The following MYRIP variants were observed in gnomAD, a reference collection of about 807,000 sequenced individuals.
MYRIP encodes the protein rab effector MyRIP.
MYRIP carries 49 observed loss-of-function variants against 98.0 expected under a neutral mutation model. The ratio of observed to expected loss-of-function variants is 0.50; its 90% confidence interval spans 0.40 to 0.63. The LOEUF (loss-of-function observed/expected upper bound fraction) is 0.63, where lower values mean the gene tolerates loss of function less well. Among genes scored for constraint, MYRIP ranks in the 30% least tolerant of loss-of-function variants. The probability of loss-of-function intolerance (pLI) is 0.00; values close to 1 mark genes in which losing one functional copy is unlikely to be tolerated. For missense variants in MYRIP, 1,004 were observed against 1,058.2 expected (o/e 0.95, Z 0.71); for synonymous variants, 404 against 409.5 (o/e 0.99, Z 0.16).
intron 9 of MYRIP, 68 bp from the exon 10 acceptor site, chr3:40,189,758 T>C (rs35037526): frequency 1.8e-5 from 26 of 1,483,584 alleles, no homozygotes; most frequent in Non-Finnish European, 2.1e-5. Context: ...AGGTAACAAG[T>C]GGCAACTTCA....
At chr3:40,113,747 T>C (rs1356223580) in intron 3 of MYRIP, among the ~76,000 whole-genome samples, 1 of 152,220 alleles carries the variant, frequency 6.6e-6, no homozygotes. Flanking sequence ...CAGACAGCAG[T>C]GGTGCTATCT....
At chr3:40,203,323 T>C (rs959647197) in intron 10 of MYRIP, among the ~76,000 whole-genome samples, 10 of 152,260 alleles carry the variant, frequency 6.6e-5, no homozygotes, top group Admixed American at 1.3e-4. Flanking sequence ...TGAGAAAATA[T>C]GCATTAAACT....
intron 2 of MYRIP, among the ~76,000 whole-genome samples, chr3:39,981,677 C>T (rs1945900372): frequency 6.6e-6 from 1 of 152,138 alleles, no homozygotes; most frequent in Non-Finnish European, 1.5e-5. Flanking sequence ...GTCAGCCTGG[C>T]TGCTGGATTG....
chr3:40,180,719 G>A (rs917991149), intron 8 of MYRIP, among the ~76,000 whole-genome samples: 1 of 152,218 alleles, frequency 6.6e-6, no homozygotes, highest in Non-Finnish European at 1.5e-5. Context: ...GGAGCAGGTT[G>A]TAACACTTGG....
At chr3:40,077,944 G>A (rs540082868) in intron 3 of MYRIP, among the ~76,000 whole-genome samples, 8 of 152,260 alleles carry the variant, frequency 5.3e-5, no homozygotes, top group Non-Finnish European at 1.0e-4. Flanking sequence ...TCAGCCCTTC[G>A]GTGGTTGATG....
chr3:39,899,448 C>A (rs919690128), intron 1 of MYRIP, among the ~76,000 whole-genome samples: 2 of 151,838 alleles, frequency 1.3e-5, no homozygotes, highest in Non-Finnish European at 2.9e-5. Flanking sequence ...TTGAATGTGA[C>A]TATTGTTACT....
intron 2 of MYRIP, among the ~76,000 whole-genome samples, chr3:40,032,625 C>T (rs1264944763): frequency 1.3e-5 from 2 of 152,038 alleles, no homozygotes; most frequent in Admixed American, 6.6e-5. Flanking sequence ...GATTCACAGC[C>T]GAATTCTACC....
Position 39,892,554 on chromosome 3 carries a change from ACT to A in MYRIP, c.-30-8230_-30-8229del, listed in dbSNP as rs559791977. ...AGTTATGTAAATTAAATTTAGCCTA[ACT>A]CTTGCCTAGTGAGCAAACAGACTGT... On this transcript the variant is annotated intron_variant, in intron 1 of 16. Coordinates refer to ENST00000302541, the MANE Select transcript of MYRIP (RefSeq NM_015460.4). Among the ~76,000 whole-genome samples the A allele has an allele frequency of 3.0e-4, 45 of 152,226 alleles. No individual in the cohort carries two copies. In the South Asian group the frequency reaches 8.7e-3, roughly 29 times the overall value.
chr3:40,115,542 C>T (rs1300300075), intron 3 of MYRIP, among the ~76,000 whole-genome samples: 1 of 152,168 alleles, frequency 6.6e-6, no homozygotes, highest in Non-Finnish European at 1.5e-5. Context: ...GTTATCTCCA[C>T]CTGCTCCCAC....
intron 2 of MYRIP, among the ~76,000 whole-genome samples, chr3:40,020,818 A>G (rs1325959323): frequency 6.6e-6 from 1 of 152,154 alleles, no homozygotes; most frequent in African/African-American, 2.4e-5. Context: ...TACCTCTCCA[A>G]CACCATTGTA....
At chr3:39,908,987 G>T (rs1324465835) in intron 2 of MYRIP, among the ~76,000 whole-genome samples, 1 of 152,200 alleles carries the variant, frequency 6.6e-6, no homozygotes, top group East Asian at 1.9e-4. Flanking sequence ...TGAATCTGCT[G>T]TCTCAGTGGG....
At chr3:40,227,126 G>A (rs1952512422) in intron 11 of MYRIP, among the ~76,000 whole-genome samples, 2 of 152,228 alleles carry the variant, frequency 1.3e-5, no homozygotes, top group Admixed American at 1.3e-4. Context: ...CTGAGGGTAG[G>A]GACCATGGAT....
intron 1 of MYRIP, among the ~76,000 whole-genome samples, chr3:39,885,798 A>G (rs565477548): frequency 3.1e-4 from 47 of 152,086 alleles, no homozygotes; most frequent in African/African-American, 1.1e-3. Context: ...TTGGCTCCTG[A>G]GGCTTCTACA....
rs555822404 is a variant in MYRIP, at chr3:39,906,444, C to T, written c.110+5518C>T. Among the ~76,000 whole-genome samples the T allele has an allele frequency of 1.2e-3, 179 of 152,246 alleles. 2 individuals are homozygous for T. The South Asian group carries it at 0.036, about 30-fold the overall frequency. On this transcript the variant is annotated intron_variant, in intron 2 of 16. Coordinates refer to ENST00000302541, the MANE Select transcript of MYRIP (RefSeq NM_015460.4). ...GCCCTCTCTGCTTCTAGTGTTCCTC[C>T]ATTTAGGAGAGTATGGCTAAACATA...
chr3:40,191,487 G>C (rs992726106), intron 10 of MYRIP, among the ~76,000 whole-genome samples: 2 of 152,048 alleles, frequency 1.3e-5, no homozygotes, highest in Non-Finnish European at 2.9e-5. Flanking sequence ...TATGGCTGCA[G>C]ACAACTCACG....
intron 11 of MYRIP, among the ~76,000 whole-genome samples, chr3:40,215,883 G>GA (rs1170533524): frequency 2.0e-5 from 3 of 152,070 alleles, no homozygotes; most frequent in East Asian, 1.9e-4. Context: ...GCTGCCCTAG[G>GA]AAAAAAGAGA....
chr3:40,190,004 C>A lies in MYRIP; in HGVS notation c.1206C>A (p.Asp402Glu), dbSNP rs199694741. The change falls in exon 10 of 17, where the codon GAC becomes GAA. Residue 402 changes from aspartate to glutamate, a missense_variant. By Grantham distance (45) the Asp-to-Glu change is conservative (BLOSUM62 2). Around this residue, in one of 3 missense-constraint regions of MYRIP, gnomAD observed 880 missense variants for 907.7 expected, o/e 0.97. Coordinates refer to ENST00000302541, the MANE Select transcript of MYRIP (RefSeq NM_015460.4). ...EMGSDSEEDF[D>E]WSEALSKLCP... ...GCTCCGATAGCGAGGAAGACTTTGA[C>A]TGGAGTGAGGCCTTGAGCAAGCTGT... The A allele has an allele frequency of 5.4e-5, 87 of 1,614,116 alleles. No homozygotes were observed. The highest frequency in any genetic ancestry group is 5.0e-5 in the Non-Finnish European group (59 of 1,180,026).
intron 3 of MYRIP, among the ~76,000 whole-genome samples, chr3:40,137,224 T>G (rs1021612544): frequency 3.9e-5 from 6 of 152,244 alleles, no homozygotes; most frequent in African/African-American, 1.4e-4. Context: ...CCCACAGAAA[T>G]ACAAACTACC....
In MYRIP at chr3:39,954,089, A is replaced by G. The variant is rs1051415139; in HGVS notation, c.110+53163A>G. 2.2e-4 allele frequency among the ~76,000 whole-genome samples: 34 copies of G among 152,152 alleles called. 1 individual carries two copies. The highest frequency in any genetic ancestry group is 6.5e-4 in the Admixed American group (10 of 15,276). On this transcript the variant is annotated intron_variant, in intron 2 of 16. Coordinates refer to ENST00000302541, the MANE Select transcript of MYRIP (RefSeq NM_015460.4). ...ATAGACTCCACCTCTGGGGCAGGGC[A>G]TAGCTAAACAAAAGGCAGCAGAAAT...
Sources: allele counts gnomAD v4.1 joint callset (sites outside exome capture counted in the v4.1 genomes callset), GRCh38; gene constraint gnomAD v4.1.1; regional missense constraint gnomAD v4.1.1; transcripts MANE v1.5; gene names NCBI Gene and HGNC (gene_info 2026-07-23, HGNC 2026-07-21).